The following ZSCAN25 variants were observed in gnomAD, a reference collection of about 807,000 sequenced individuals.
The protein encoded by ZSCAN25 is zinc finger and SCAN domain containing 25, also known as zinc finger and SCAN domain-containing protein 25.
Under a neutral mutation model 38.7 loss-of-function variants are expected in ZSCAN25, and 27 were observed. The ratio of observed to expected loss-of-function variants is 0.70; its 90% CI spans 0.51 to 0.96. The LOEUF (loss-of-function observed/expected upper bound fraction) is 0.96. Ranked by LOEUF, ZSCAN25 falls within the 40% of genes least tolerant of loss-of-function variation. The pLI is 0.00. For missense variants in ZSCAN25, 637 were observed against 705.9 expected, an observed-to-expected ratio of 0.90 and a Z score of 1.11; for synonymous variants, 273 against 277.7, an observed-to-expected ratio of 0.98 and a Z score of 0.17.
the ZSCAN25 span, chr7:99,707,796 C>G: frequency 6.2e-7 from 1 of 1,613,562 alleles, no homozygotes. Context: ...ATTATTAATG[C>G]AGAAAATTGA....
At chr7:99,709,253 G>T in the ZSCAN25 span, 1 of 1,613,750 alleles carries the variant, frequency 6.2e-7, no homozygotes, top group Non-Finnish European at 8.5e-7. Flanking sequence ...TATCATAGGT[G>T]GGTGGTGCCT....
At chr7:99,680,947 T>G in the ZSCAN25 span, among the ~76,000 whole-genome samples, 1 of 152,240 alleles carries the variant, frequency 6.6e-6, no homozygotes, top group Non-Finnish European at 1.5e-5. Context: ...TCATGATGTA[T>G]TTTAAAAGCT....
the ZSCAN25 span, among the ~76,000 whole-genome samples, chr7:99,674,818 C>A: frequency 6.6e-6 from 1 of 152,196 alleles, no homozygotes; most frequent in Non-Finnish European, 1.5e-5. Context: ...GAAGGACTCA[C>A]CCTTGTCTAT....
At chr7:99,710,261 A>G in the ZSCAN25 span, among the ~76,000 whole-genome samples, 1 of 152,192 alleles carries the variant, frequency 6.6e-6, no homozygotes, top group African/African-American at 2.4e-5. Flanking sequence ...GAAGTCAGAT[A>G]CCCTGGTTCC....
the ZSCAN25 span, among the ~76,000 whole-genome samples, chr7:99,657,455 T>A: frequency 3.9e-5 from 6 of 152,360 alleles, no homozygotes; most frequent in Non-Finnish European, 7.3e-5. Flanking sequence ...AGACAGTTTG[T>A]TATAATGTCT....
chr7:99,625,045 C>T (rs909018670), intron 7 of ZSCAN25, among the ~76,000 whole-genome samples: 4 of 152,148 alleles, frequency 2.6e-5, no homozygotes, highest in African/African-American at 9.7e-5. Flanking sequence ...TCCTGAAATG[C>T]CTTGAAGGAA....
At chr7:99,697,232 C>T in the ZSCAN25 span, among the ~76,000 whole-genome samples, 2 of 152,134 alleles carry the variant, frequency 1.3e-5, no homozygotes, top group Admixed American at 1.3e-4. Flanking sequence ...GCTGCTGCTC[C>T]CTATGGCAGG....
the ZSCAN25 span, chr7:99,665,411 T>A: frequency 6.7e-6 from 10 of 1,491,998 alleles, no homozygotes; most frequent in Non-Finnish European, 9.3e-6. Context: ...TCAAGACACA[T>A]AAAGAGCCAC....
the ZSCAN25 span, chr7:99,705,489 C>A: frequency 6.2e-7 from 1 of 1,613,024 alleles, no homozygotes; most frequent in South Asian, 1.1e-5. Context: ...AACCAGAAGT[C>A]CTTAGGGAAA....
At chr7:99,672,488 T>A in the ZSCAN25 span, 2 of 1,127,238 alleles carry the variant, frequency 1.8e-6, no homozygotes, top group Non-Finnish European at 2.7e-6. Context: ...GTACATTTTT[T>A]AGGTAACCTT....
the ZSCAN25 span, among the ~76,000 whole-genome samples, chr7:99,723,829 G>A: frequency 4.6e-5 from 7 of 152,252 alleles, no homozygotes; most frequent in South Asian, 2.1e-4. Context: ...GAGGAGATAC[G>A]TTTTATCCAT....
chr7:99,737,167 T>G, the ZSCAN25 span, among the ~76,000 whole-genome samples: 6 of 152,114 alleles, frequency 3.9e-5, no homozygotes, highest in Non-Finnish European at 8.8e-5. Flanking sequence ...TATCCCCAGT[T>G]TACAGATGTA....
At chr7:99,666,193 G>C in the ZSCAN25 span, among the ~76,000 whole-genome samples, 1 of 152,188 alleles carries the variant, frequency 6.6e-6, no homozygotes, top group Non-Finnish European at 1.5e-5. Context: ...TGAAGGGATT[G>C]AAATTGTTCC....
At chr7:99,715,781 A>G in the ZSCAN25 span, 6 of 1,613,756 alleles carry the variant, frequency 3.7e-6, no homozygotes, top group African/African-American at 5.3e-5. Context: ...GAATGGATCT[A>G]ATGGATTAAA....
At chr7:99,621,130 G>A (rs1787368512) in intron 4 of ZSCAN25, 1 of 347,970 alleles carries the variant, frequency 2.9e-6, no homozygotes. Flanking sequence ...GTGATGGCAG[G>A]TAGAGGGGAC....
the ZSCAN25 span, among the ~76,000 whole-genome samples, chr7:99,672,102 A>G: frequency 6.6e-6 from 1 of 151,916 alleles, no homozygotes; most frequent in African/African-American, 2.4e-5. Context: ...CCCAGACTGG[A>G]GTATAATGGC....
chr7:99,619,624 A>G lies in ZSCAN25; in HGVS notation c.18A>G (p.Pro6=), dbSNP rs775234909. The G allele has an allele frequency of 5.0e-6, 8 of 1,613,508 alleles. No homozygotes were observed. Among genetic ancestry groups the G allele is most frequent in the East Asian group, 2.2e-5 (1 of 44,894 alleles). MLKEH[P]EMAEAPQQQL... ...GTCTGAAGATGCTTAAAGAGCATCC[A>G]GAGATGGCGGAAGCTCCTCAGCAGC... Residue 6 remains proline, a synonymous_variant, in exon 4 of 8, where the codon CCA becomes CCG. Transcript: ENST00000394152.
At chr7:99,694,580 T>C in the ZSCAN25 span, among the ~76,000 whole-genome samples, 255 of 134,846 alleles carry the variant, frequency 1.9e-3, no homozygotes, top group South Asian at 3.8e-3. Context: ...CAGGAATGTT[T>C]ATCTTGGGGG....
the ZSCAN25 span, among the ~76,000 whole-genome samples, chr7:99,725,912 G>A: frequency 6.6e-6 from 1 of 152,104 alleles, no homozygotes; most frequent in South Asian, 2.1e-4. Context: ...AACTGTTGTG[G>A]GTATTGACGG....
Sources: allele counts gnomAD v4.1 joint callset (sites outside exome capture counted in the v4.1 genomes callset), GRCh38; gene constraint gnomAD v4.1.1; transcripts MANE v1.5; gene names NCBI Gene and HGNC (gene_info 2026-07-23, HGNC 2026-07-21).